Variants in MAN2A1 observed in about 807,000 individuals in gnomAD.
MAN2A1 encodes the protein mannosidase alpha class 2A member 1, also known as alpha-mannosidase 2.
Under a neutral mutation model 142.6 loss-of-function variants are expected in MAN2A1, and 76 were observed. That is an observed-to-expected ratio of 0.53 (90% CI 0.44 to 0.65). MAN2A1 has a LOEUF of 0.65. MAN2A1 is among the 30% of genes least tolerant of loss of function. The pLI is 0.00. For missense variants in MAN2A1, 1,311 were observed against 1,365.1 expected (o/e 0.96, Z 0.62); for synonymous variants, 559 against 473.2 (o/e 1.18, Z -2.35).
chr5:109,777,787 A>G (rs1432589781), intron 8 of MAN2A1, among the ~76,000 whole-genome samples: 1 of 152,082 alleles, frequency 6.6e-6, no homozygotes, highest in Non-Finnish European at 1.5e-5. Flanking sequence ...ATAGATATCC[A>G]GCACCATTTA....
chr5:109,806,766 T>C (rs1754176639), intron 12 of MAN2A1, among the ~76,000 whole-genome samples: 1 of 152,198 alleles, frequency 6.6e-6, no homozygotes, highest in Non-Finnish European at 1.5e-5. Context: ...TCATACTGTT[T>C]TGTGAAGGAC....
chr5:109,857,610 G>A (rs1414428677), intron 20 of MAN2A1, among the ~76,000 whole-genome samples: 2 of 152,192 alleles, frequency 1.3e-5, no homozygotes, highest in African/African-American at 4.8e-5. Context: ...AGTGAGCATA[G>A]GGTTTTACCT....
At chr5:109,846,540 G>A (rs1316870052) in intron 18 of MAN2A1, among the ~76,000 whole-genome samples, 1 of 152,170 alleles carries the variant, frequency 6.6e-6, no homozygotes, top group Non-Finnish European at 1.5e-5. Context: ...AGAGAAAATA[G>A]TCAATAGACA....
At chr5:109,840,548 C>A (rs1755174744) in intron 16 of MAN2A1, 1 of 507,996 alleles carries the variant, frequency 2.0e-6, no homozygotes, top group Non-Finnish European at 3.9e-6. Flanking sequence ...GGCAGAGCCT[C>A]CAATAAGGCT....
At chr5:109,812,922 A>G (rs1754356879) in intron 12 of MAN2A1, among the ~76,000 whole-genome samples, 1 of 152,212 alleles carries the variant, frequency 6.6e-6, no homozygotes, top group Admixed American at 6.5e-5. Context: ...TAGTAAGCAC[A>G]TGAAATTACA....
chr5:109,805,437 C>A (rs1469931895), intron 12 of MAN2A1, among the ~76,000 whole-genome samples: 1 of 152,086 alleles, frequency 6.6e-6, no homozygotes, highest in African/African-American at 2.4e-5. Flanking sequence ...ATTTGTAGTT[C>A]TACTTTTGAG....
At chr5:109,751,597 A>G (rs1423921344) in intron 4 of MAN2A1, among the ~76,000 whole-genome samples, 2 of 151,482 alleles carry the variant, frequency 1.3e-5, no homozygotes, top group African/African-American at 4.8e-5. Context: ...TTCAATGCCT[A>G]TTTTAATAAT....
At chr5:109,696,419 A>G (rs951778260) in intron 1 of MAN2A1, among the ~76,000 whole-genome samples, 1 of 152,222 alleles carries the variant, frequency 6.6e-6, no homozygotes, top group African/African-American at 2.4e-5. Flanking sequence ...AAATATCTTA[A>G]TGTTAAATTT....
chr5:109,840,636 G>T, intron 16 of MAN2A1: 1 of 466,168 alleles, frequency 2.1e-6, no homozygotes, highest in Non-Finnish European at 4.2e-6. Context: ...GATTCCCTGG[G>T]ACGTTTAAAC....
intron 16 of MAN2A1, among the ~76,000 whole-genome samples, chr5:109,836,087 A>C (rs907893557): frequency 6.7e-6 from 1 of 149,222 alleles, no homozygotes; most frequent in Non-Finnish European, 1.5e-5. Context: ...TTTTTCTTTT[A>C]ATAATAACAA....
At chr5:109,771,360 T>TA (rs922910473) in intron 7 of MAN2A1, among the ~76,000 whole-genome samples, 3 of 152,022 alleles carry the variant, frequency 2.0e-5, no homozygotes, top group African/African-American at 7.2e-5. Context: ...AGAAGTCACT[T>TA]AAAAAAAAGT....
intron 12 of MAN2A1, among the ~76,000 whole-genome samples, chr5:109,790,000 G>C (rs1753696250): frequency 6.6e-6 from 1 of 151,732 alleles, no homozygotes; most frequent in Non-Finnish European, 1.5e-5. Flanking sequence ...TAGCACTATT[G>C]ATTTATGCTA....
chr5:109,749,616 G>A (rs1317724794), intron 4 of MAN2A1, among the ~76,000 whole-genome samples: 2 of 151,882 alleles, frequency 1.3e-5, no homozygotes, highest in Non-Finnish European at 2.9e-5. Context: ...TTGGCCTTTA[G>A]GTTTCATGTT....
At chr5:109,745,814 C>G (rs764644554) in intron 4 of MAN2A1, among the ~76,000 whole-genome samples, 24 of 152,132 alleles carry the variant, frequency 1.6e-4, no homozygotes, top group Non-Finnish European at 3.4e-4. Flanking sequence ...ATAGGTTTTA[C>G]TATATTTCAC....
chr5:109,846,142 A>G lies in MAN2A1; in HGVS notation c.2842+136A>G. On this transcript the variant is annotated intron_variant, in intron 18 of 21. Coordinates refer to ENST00000261483, the MANE Select transcript of MAN2A1 (RefSeq NM_002372.4). ...TTTCAGCTTTTTTCTTTCAACAACCAGACTATTAGTTAAGTTTGGGTTTTG... is the reference window on the plus strand; with the variant it reads ...TTTCAGCTTTTTTCTTTCAACAACCGGACTATTAGTTAAGTTTGGGTTTTG... 2.0e-5 allele frequency: 14 copies of G among 715,276 alleles called. 1 individual carries two copies. Among genetic ancestry groups the G allele is most frequent in the Non-Finnish European group, 2.8e-5 (13 of 470,924 alleles). 44.3% of individuals were successfully genotyped at this position (715,276 alleles called of 1,614,324 possible). A position where few individuals can be genotyped will look rare whatever the true frequency, so the allele number is the denominator to read the frequency against.
At chr5:109,842,517 A>G (rs1755234177) in intron 17 of MAN2A1, 56 bp downstream of exon 17, 6 of 1,120,708 alleles carry the variant, frequency 5.4e-6, no homozygotes, top group Admixed American at 2.6e-5. Context: ...TAATTCTTAT[A>G]TATAACAATG....
At chr5:109,755,896 G>A (rs1172343488) in intron 5 of MAN2A1, among the ~76,000 whole-genome samples, 1 of 152,044 alleles carries the variant, frequency 6.6e-6, no homozygotes, top group Non-Finnish European at 1.5e-5. Flanking sequence ...TCTGGGCACT[G>A]TATCTTTGGG....
intron 1 of MAN2A1, among the ~76,000 whole-genome samples, chr5:109,696,178 G>A (rs1750806311): frequency 6.6e-6 from 1 of 151,840 alleles, no homozygotes; most frequent in Admixed American, 6.6e-5. Flanking sequence ...TCAGCTCACT[G>A]CAATCTCCAC....
intron 20 of MAN2A1, chr5:109,863,676 T>C (rs1199309321): frequency 6.6e-6 from 1 of 152,228 alleles, no homozygotes; most frequent in East Asian, 1.9e-4. Flanking sequence ...GGTTTCACAG[T>C]TGGCACATGA....
Sources: gnomAD v4.1 joint callset for allele counts (sites outside exome capture counted in the v4.1 genomes callset) on GRCh38, gnomAD v4.1.1 for gene constraint, MANE v1.5 for transcripts, NCBI Gene and HGNC (gene_info 2026-07-23, HGNC 2026-07-21) for gene names.